Variants in SEMA6D observed in about 807,000 individuals in gnomAD.
SEMA6D encodes the protein semaphorin 6D.
Under a neutral mutation model 106.6 loss-of-function variants are expected in SEMA6D, and 35 were observed. That is an observed-to-expected ratio of 0.33 (90% CI 0.25 to 0.44). The LOEUF is 0.44. Ranked by LOEUF, SEMA6D falls within the 20% of genes least tolerant of loss-of-function variation. SEMA6D has a pLI of 1.00. For missense variants in SEMA6D, 1,185 were observed against 1,345.9 expected (o/e 0.88, Z 1.87); for synonymous variants, 499 against 487.7 (o/e 1.02, Z -0.31).
At chr15:47,426,105 G>T (rs912777555) in intron 2 of SEMA6D, among the ~76,000 whole-genome samples, 25 of 152,060 alleles carry the variant, frequency 1.6e-4, no homozygotes, top group African/African-American at 5.8e-4. Flanking sequence ...TTTTTGATAG[G>T]TTTCCAAATT....
chr15:47,532,510 A>G (rs2045006042), intron 3 of SEMA6D, among the ~76,000 whole-genome samples: 1 of 152,100 alleles, frequency 6.6e-6, no homozygotes, highest in Admixed American at 6.6e-5. Flanking sequence ...GGCTTACATT[A>G]AGCTTTGAGT....
At chr15:47,364,541 G>A (rs139595619) in intron 1 of SEMA6D, among the ~76,000 whole-genome samples, 33 of 152,278 alleles carry the variant, frequency 2.2e-4, no homozygotes, top group East Asian at 1.9e-4. Flanking sequence ...CTGCACATGT[G>A]GAATTTCGTA....
chr15:47,508,162 G>C (rs1486542693), intron 3 of SEMA6D, among the ~76,000 whole-genome samples: 2 of 152,288 alleles, frequency 1.3e-5, no homozygotes, highest in East Asian at 3.9e-4. Flanking sequence ...ATTCTCTCTG[G>C]TTTAAACCTC....
At chr15:47,189,957 T>A (rs1463082391) in intron 1 of SEMA6D, among the ~76,000 whole-genome samples, 1 of 152,220 alleles carries the variant, frequency 6.6e-6, no homozygotes, top group Non-Finnish European at 1.5e-5. Flanking sequence ...GTATGCCATG[T>A]GATGATTTCT....
At chr15:47,758,232 C>T (rs191224003) in intron 1 of SEMA6D, among the ~76,000 whole-genome samples, 6 of 152,284 alleles carry the variant, frequency 3.9e-5, no homozygotes, top group Admixed American at 3.3e-4. Flanking sequence ...TAGTTAGACA[C>T]ATATTTAGAG....
chr15:47,195,812 C>G lies in SEMA6D; in HGVS notation c.-239+11394C>G, dbSNP rs74013739. Among the ~76,000 whole-genome samples, 746 of 152,234 alleles carry G rather than the reference C, an allele frequency of 4.9e-3. 3 individuals are homozygous for G. Among genetic ancestry groups the G allele is most frequent in the African/African-American group, 0.017 (715 of 41,530 alleles). ...AGTCTGAGCACTTTGAGGGTGGACA[C>G]GATGTCTTGTTGAAAGAACAGAATG... On this transcript the variant is annotated intron_variant, in intron 1 of 19. Coordinates refer to the SEMA6D transcript ENST00000558014.
chr15:47,441,747 A>G (rs540943757), intron 2 of SEMA6D, among the ~76,000 whole-genome samples: 2 of 152,144 alleles, frequency 1.3e-5, no homozygotes, highest in East Asian at 3.9e-4. Context: ...TATTGTATGA[A>G]TATCTGTTAA....
At chr15:47,400,927 G>A (rs1278681236) in intron 1 of SEMA6D, among the ~76,000 whole-genome samples, 1 of 152,212 alleles carries the variant, frequency 6.6e-6, no homozygotes, top group African/African-American at 2.4e-5. Context: ...AACAGCCTGA[G>A]AATTAACGGT....
chr15:47,201,083 G>A (rs189486278), intron 1 of SEMA6D, among the ~76,000 whole-genome samples: 1 of 152,304 alleles, frequency 6.6e-6, no homozygotes, highest in Admixed American at 6.5e-5. Flanking sequence ...CATCGATTTA[G>A]TAGAAAGCTT....
intron 1 of SEMA6D, among the ~76,000 whole-genome samples, chr15:47,317,410 G>T (rs1295370797): frequency 6.6e-6 from 1 of 152,100 alleles, no homozygotes; most frequent in African/African-American, 2.4e-5. Context: ...TTAAGAATAA[G>T]AAAAATAATG....
chr15:47,256,448 T>A (rs2033807392), intron 1 of SEMA6D, among the ~76,000 whole-genome samples: 1 of 152,336 alleles, frequency 6.6e-6, no homozygotes, highest in South Asian at 2.1e-4. Flanking sequence ...ATGTACTATA[T>A]ATTCTTTGGA....
intron 4 of SEMA6D, among the ~76,000 whole-genome samples, chr15:47,629,273 A>C (rs1004415101): frequency 1.3e-5 from 2 of 151,940 alleles, no homozygotes; most frequent in African/African-American, 2.4e-5. Context: ...GTGCATTTTC[A>C]TGCAAATTTT....
At chr15:47,547,338 T>C (rs1392759966) in intron 3 of SEMA6D, among the ~76,000 whole-genome samples, 1 of 152,090 alleles carries the variant, frequency 6.6e-6, no homozygotes, top group Non-Finnish European at 1.5e-5. Context: ...ACAGGAAAAT[T>C]GTTGTGAGGC....
intron 2 of SEMA6D, among the ~76,000 whole-genome samples, chr15:47,418,366 G>A (rs1221982412): frequency 6.6e-6 from 1 of 152,024 alleles, no homozygotes; most frequent in African/African-American, 2.4e-5. Flanking sequence ...ATACTGGGTG[G>A]CTTATAAACA....
intron 1 of SEMA6D, among the ~76,000 whole-genome samples, chr15:47,306,842 A>T (rs553344860): frequency 4.6e-5 from 7 of 152,238 alleles, no homozygotes; most frequent in Non-Finnish European, 1.0e-4. Flanking sequence ...TCTTAGTATA[A>T]TTTTTAGAAG....
chr15:47,416,124 A>G (rs1176776006), intron 2 of SEMA6D, among the ~76,000 whole-genome samples: 5 of 152,160 alleles, frequency 3.3e-5, no homozygotes, highest in African/African-American at 1.2e-4. Flanking sequence ...CACCATGCCA[A>G]GGTCACCATT....
At chr15:47,502,618 G>A (rs1255887344) in intron 3 of SEMA6D, among the ~76,000 whole-genome samples, 1 of 152,174 alleles carries the variant, frequency 6.6e-6, no homozygotes, top group Non-Finnish European at 1.5e-5. Flanking sequence ...AATGACAAGG[G>A]CATGTCATAT....
At chr15:47,578,957 A>G (rs2076207028) in intron 3 of SEMA6D, among the ~76,000 whole-genome samples, 1 of 152,098 alleles carries the variant, frequency 6.6e-6, no homozygotes, top group African/African-American at 2.4e-5. Flanking sequence ...GCATATGTGG[A>G]CCCCATTTTT....
intron 3 of SEMA6D, among the ~76,000 whole-genome samples, chr15:47,470,895 A>G (rs1236772336): frequency 6.6e-6 from 1 of 152,206 alleles, no homozygotes; most frequent in African/African-American, 2.4e-5. Flanking sequence ...GTTGCATGCC[A>G]TACACTGACA....
Sources: gnomAD v4.1 joint callset for allele counts (sites outside exome capture counted in the v4.1 genomes callset) on GRCh38, gnomAD v4.1.1 for gene constraint, MANE v1.5 for transcripts, NCBI Gene and HGNC (gene_info 2026-07-23, HGNC 2026-07-21) for gene names.